Variants in BHMT observed in about 807,000 individuals in gnomAD.
BHMT encodes the protein betaine--homocysteine S-methyltransferase.
BHMT carries 38 observed loss-of-function variants against 49.5 expected under a neutral mutation model. The ratio of observed to expected loss-of-function variants is 0.77; its 90% CI spans 0.59 to 1.01. The LOEUF is 1.01. Ranked by LOEUF, BHMT falls within the 50% of genes least tolerant of loss-of-function variation. The pLI is 0.00. For synonymous variants in BHMT, 166 were observed against 176.3 expected (o/e 0.94, Z 0.46); for missense variants, 426 against 495.7 (o/e 0.86, Z 1.34).
At chr5:79,115,300 T>C (rs970677829) in intron 1 of BHMT, among the ~76,000 whole-genome samples, 7 of 146,122 alleles carry the variant, frequency 4.8e-5, no homozygotes, top group Non-Finnish European at 8.9e-5. Flanking sequence ...ATGCTGTCTC[T>C]AAGAAAAAAA....
At chr5:79,128,874 T>C (rs2112733256) in intron 7 of BHMT, among the ~76,000 whole-genome samples, 1 of 152,340 alleles carries the variant, frequency 6.6e-6, no homozygotes, top group East Asian at 1.9e-4. Context: ...GATTAGAGAC[T>C]CACAGTCTAC....
chr5:79,127,139 G>GT (rs1230498240), intron 6 of BHMT, among the ~76,000 whole-genome samples: 1 of 152,158 alleles, frequency 6.6e-6, no homozygotes, highest in East Asian at 1.9e-4. Flanking sequence ...TAACTAGGTG[G>GT]TTTTGGTTCA....
rs146989154 is a variant in BHMT at position 79,120,931 on chromosome 5, T to A, written c.478-287T>A. ...ACTTTGGGAGGCCAAGGCGTGTGGATCACGAGGTCAGGAGTTTGAGAACAG... is the reference window on the plus strand; with the variant it reads ...ACTTTGGGAGGCCAAGGCGTGTGGAACACGAGGTCAGGAGTTTGAGAACAG... On this transcript the variant is annotated intron_variant, in intron 4 of 7. Transcript: ENST00000274353. Among the ~76,000 whole-genome samples, 147 of 152,186 alleles carry A rather than the reference T, an allele frequency of 9.7e-4. 1 individual carries two copies. The highest frequency in any genetic ancestry group is 3.5e-3 in the African/African-American group (145 of 41,528).
chr5:79,131,043 T>A lies in BHMT; in HGVS notation c.1148T>A (p.Met383Lys), dbSNP rs1756633301. The stretch of plus-strand genomic sequence containing the variant: ...GTGACCAAAGGAACAGCCGAGCTGA[T>A]GCAGCAGAAAGAAGCCACAACTGAG... Reference protein sequence around the residue: ...WGVTKGTAELMQQKEATTEQQ... With the variant: ...WGVTKGTAELKQQKEATTEQQ... Residue 383 changes from methionine to lysine, a missense_variant, in exon 8 of 8, where the codon ATG (methionine) becomes AAG (lysine). Around this residue, in one of 3 missense-constraint regions of BHMT, gnomAD observed 73 missense variants for 68.3 expected, o/e 1.07. Transcript: ENST00000274353. The A allele has an allele frequency of 6.2e-7, 1 of 1,613,830 alleles. No individual in the cohort carries two copies. Among genetic ancestry groups the A allele is most frequent in the Non-Finnish European group, 8.5e-7 (1 of 1,179,978 alleles).
chr5:79,113,060 T>C (rs1274566622), intron 1 of BHMT, among the ~76,000 whole-genome samples: 3 of 152,162 alleles, frequency 2.0e-5, no homozygotes, highest in Non-Finnish European at 4.4e-5. Flanking sequence ...CCAGCTGAGG[T>C]GTGCCCAGTT....
Position 79,116,063 on chromosome 5 carries a change from T to A in BHMT, c.166+164T>A, listed in dbSNP as rs549684616. The A allele has an allele frequency of 2.3e-5, 20 of 851,546 alleles. No individual in the cohort carries two copies. In the African/African-American group the frequency reaches 2.8e-4, roughly 12 times the overall value. 52.7% of individuals were successfully genotyped at this position (851,546 alleles called of 1,614,324 possible). A position where few individuals can be genotyped will look rare whatever the true frequency, so the allele number is the denominator to read the frequency against. ...GAGACCTAGTCTCTCAGAAGTTTTT[T>A]AAAAATTAGCTGGACATGGTGGTGC... On this transcript the variant is annotated intron_variant, in intron 2 of 7. Transcript: ENST00000274353.
At chr5:79,125,167 G>C (rs1756530681) in intron 5 of BHMT, among the ~76,000 whole-genome samples, 1 of 151,870 alleles carries the variant, frequency 6.6e-6, no homozygotes, top group Non-Finnish European at 1.5e-5. Context: ...TTTGAAAAAA[G>C]ATGGATAGGG....
Position 79,131,073 on chromosome 5 carries a change from A to C in BHMT, c.1178A>C (p.Gln393Pro). The C allele has an allele frequency of 6.2e-7, 1 of 1,613,160 alleles. No individual in the cohort carries two copies. Among genetic ancestry groups the C allele is most frequent in the Non-Finnish European group, 8.5e-7 (1 of 1,179,662 alleles). Reference protein sequence around the residue: ...MQQKEATTEQQLKELFEKQKF... With the variant: ...MQQKEATTEQPLKELFEKQKF... ...CAGAAAGAAGCCACAACTGAGCAGC[A>C]GCTGAAAGAGCTCTTTGAAAAACAA... The change falls in exon 8 of 8, where the codon CAG becomes CCG. Residue 393 changes from glutamine (Q) to proline (P), a missense_variant. Physicochemically the swap from Gln to Pro is moderately conservative, Grantham distance 76. Around this residue, in one of 3 missense-constraint regions of BHMT, gnomAD observed 73 missense variants for 68.3 expected, o/e 1.07. Coordinates refer to ENST00000274353, the MANE Select transcript of BHMT (RefSeq NM_001713.3).
At chr5:79,116,415 C>G (rs549400134) in intron 2 of BHMT, 1 of 152,328 alleles carries the variant, frequency 6.6e-6, no homozygotes, top group Non-Finnish European at 1.5e-5. Context: ...AAAGTTAATA[C>G]AGTACAAATG....
Position 79,127,928 on chromosome 5 carries a change from C to G in BHMT, c.982C>G (p.His328Asp), listed in dbSNP as rs1756576890. 1 of 1,614,026 alleles carries G rather than the reference C, an allele frequency of 6.2e-7. No homozygotes were observed. The highest frequency in any genetic ancestry group is 8.5e-7 in the Non-Finnish European group (1 of 1,180,006). Reference sequence around the variant, plus strand: ...CTTTTTGCCACCAGCTTCAGAAAAACATGGCAGCTGGGGAAGTGGTTTGGA... The same window carrying G: ...CTTTTTGCCACCAGCTTCAGAAAAAGATGGCAGCTGGGGAAGTGGTTTGGA... ...RGFLPPASEK[H>D]GSWGSGLDMH... The change falls in exon 7 of 8, where the codon CAT becomes GAT. Residue 328 changes from histidine (H) to aspartate (D), a missense_variant. His to Asp is a moderately conservative substitution (Grantham distance 81, BLOSUM62 -1). Around this residue, in one of 3 missense-constraint regions of BHMT, gnomAD observed 32 missense variants for 71.6 expected, o/e 0.45. Transcript: ENST00000274353.
At chr5:79,112,695 TAA>T (rs1413051449) in intron 1 of BHMT, among the ~76,000 whole-genome samples, 1 of 152,238 alleles carries the variant, frequency 6.6e-6, no homozygotes, top group African/African-American at 2.4e-5. Context: ...GATGAAATTG[TAA>T]AACCCAATTC....
intron 3 of BHMT, chr5:79,119,593 T>A (rs1756437710): frequency 4.9e-6 from 2 of 407,358 alleles, no homozygotes; most frequent in Non-Finnish European, 4.4e-6. Flanking sequence ...AGAAGAGGTA[T>A]TTAATGATTA....
In BHMT at chr5:79,121,708, G is replaced by C. The variant is rs375885416; in HGVS notation, c.625+343G>C. Among the ~76,000 whole-genome samples, 6 of 151,216 alleles carry C rather than the reference G, an allele frequency of 4.0e-5. No homozygotes were observed. In the South Asian group the frequency reaches 1.3e-3, roughly 32 times the overall value. The stretch of plus-strand genomic sequence containing the variant: ...CGGGCGCCTGTAGTCCCAGCTACTC[G>C]GGAGGCTGAGGCAGGAGAATGGCGT... On this transcript the variant is annotated intron_variant, in intron 5 of 7. Transcript: ENST00000274353.
At chr5:79,120,780 A>T (rs1012692615) in intron 4 of BHMT, among the ~76,000 whole-genome samples, 1 of 152,232 alleles carries the variant, frequency 6.6e-6, no homozygotes, top group Non-Finnish European at 1.5e-5. Context: ...ATTTCATTTT[A>T]AAAATGCTAA....
chr5:79,127,715 G>C (rs757872848), intron 6 of BHMT, 40 bp from the exon 7 acceptor site: 1 of 1,582,936 alleles, frequency 6.3e-7, no homozygotes, highest in African/African-American at 1.4e-5. Flanking sequence ...TTTATGAAAA[G>C]AATGTATAAT....
intron 3 of BHMT, 69 bp downstream of exon 3, chr5:79,119,446 A>G: frequency 1.6e-6 from 2 of 1,279,286 alleles, no homozygotes; most frequent in South Asian, 2.7e-5. Context: ...AAGCTCCCAT[A>G]GAGAAAAGGG....
rs555357895 is a variant in BHMT at position 79,116,192 on chromosome 5, G to A, written c.166+293G>A. The A allele has an allele frequency of 3.8e-3, 776 of 206,326 alleles. 1 individual carries two copies. The highest frequency in any genetic ancestry group is 5.7e-3 in the Non-Finnish European group (590 of 104,286). The allele number at this position is 206,326 out of a possible 1,614,324, so 12.8% of individuals were successfully genotyped here. A position where few individuals can be genotyped will look rare whatever the true frequency, so the allele number is the denominator to read the frequency against. On this transcript the variant is annotated intron_variant, in intron 2 of 7. Coordinates refer to ENST00000274353, the MANE Select transcript of BHMT (RefSeq NM_001713.3). ...CTGCAGCGCTTTTGTAATTTAGACT[G>A]AGTGGTAGCTAGAATTGATGGAAAC...
rs578051272 is a variant in BHMT, at chr5:79,131,936, C to T, written c.*820C>T. 6.6e-6 allele frequency: 1 copy of T among 152,286 alleles called. No homozygotes were observed. The highest frequency in any genetic ancestry group is 1.9e-4 in the East Asian group (1 of 5,184). The allele number at this position is 152,286 out of a possible 1,614,324, so 9.4% of individuals were successfully genotyped here. A position where few individuals can be genotyped will look rare whatever the true frequency, so the allele number is the denominator to read the frequency against. ...GGGAGGAGAGATGGATATTTCAGCC[C>T]TCTCCATCCTAGTCAACACTGGATC... is the stretch of plus-strand genomic sequence containing the variant. On this transcript the variant is annotated 3_prime_UTR_variant, in exon 8 of 8. Transcript: ENST00000274353.
chr5:79,119,057 C>T (rs1215136480), intron 2 of BHMT, among the ~76,000 whole-genome samples: 1 of 152,092 alleles, frequency 6.6e-6, no homozygotes, highest in African/African-American at 2.4e-5. Context: ...GCACCCCCTG[C>T]CCACCCATTC....
Sources: allele counts gnomAD v4.1 joint callset (sites outside exome capture counted in the v4.1 genomes callset), GRCh38; gene constraint gnomAD v4.1.1; regional missense constraint gnomAD v4.1.1; transcripts MANE v1.5; gene names NCBI Gene and HGNC (gene_info 2026-07-23, HGNC 2026-07-21).